Variants in ZNF592 observed in about 807,000 individuals in gnomAD.
ZNF592 encodes the protein spinocerebellar ataxia, autosomal recessive 5.
In ZNF592, 11 loss-of-function variants were observed where a neutral mutation model predicts 80.3. The ratio of observed to expected loss-of-function variants is 0.14; its 90% confidence interval spans 0.09 to 0.23. The LOEUF is 0.23. Ranked by LOEUF, ZNF592 falls within the 10% of genes least tolerant of loss-of-function variation. ZNF592 has a pLI of 1.00. For synonymous variants in ZNF592, 646 were observed against 640.3 expected (o/e 1.01, Z -0.13); for missense variants, 1,420 against 1,633.9 (o/e 0.87, Z 2.26).
chr15:84,783,128 TC>T lies in ZNF592; in HGVS notation c.456del (p.Ile153SerfsTer8). The T allele has an allele frequency of 6.2e-7, 1 of 1,614,088 alleles. No individual in the cohort carries two copies. The highest frequency in any genetic ancestry group is 8.5e-7 in the Non-Finnish European group (1 of 1,180,014). On this transcript the variant is annotated frameshift_variant, in exon 4 of 11. Coordinates refer to ENST00000560079, the MANE Select transcript of ZNF592 (RefSeq NM_014630.3). LOFTEE classifies it high-confidence loss of function. This position sits in a 1 kb window ranked among gnomAD's most constrained non-coding sequence, Gnocchi z 5.0. The part of the protein sequence containing the change: ...SPISSPEPED[P>X]IKDNGFGIKP... The stretch of plus-strand genomic sequence containing the variant: ...CAATCTCCAGCCCAGAACCTGAGGA[TC>T]CCATCAAAGATAACGGATTTGGGAT...
At chr15:84,796,296 A>ATATATATATATATATATATATAT (rs1567076462) in intron 5 of ZNF592, among the ~76,000 whole-genome samples, 13 of 40,108 alleles carry the variant, frequency 3.2e-4, no homozygotes, top group East Asian at 2.1e-3. Context: ...TATATATATA[A>ATATATATATATATATATATATAT]AAAAACGAAG....
chr15:84,760,105 T>G (rs1374789652), intron 1 of ZNF592, among the ~76,000 whole-genome samples: 1 of 151,636 alleles, frequency 6.6e-6, no homozygotes, highest in African/African-American at 2.4e-5. Context: ...AATGTCAGTC[T>G]GATAGAATTT....
intron 1 of ZNF592, among the ~76,000 whole-genome samples, chr15:84,761,852 T>G (rs1899360603): frequency 1.3e-5 from 2 of 152,264 alleles, no homozygotes; most frequent in Admixed American, 6.5e-5. Context: ...TGTTTCCGTA[T>G]GTTTATTTCT....
Position 84,803,127 on chromosome 15 carries a change from C to A in ZNF592, c.*734C>A, listed in dbSNP as rs1963148252. 1 of 152,526 alleles carries A rather than the reference C, an allele frequency of 6.6e-6. No homozygotes were observed. Among genetic ancestry groups the A allele is most frequent in the Admixed American group, 6.5e-5 (1 of 15,274 alleles). The allele number at this position is 152,526 out of a possible 1,614,324, so 9.4% of individuals were successfully genotyped here. A position where few individuals can be genotyped will look rare whatever the true frequency, so the allele number is the denominator to read the frequency against. Reference sequence around the variant, plus strand: ...AAGGCGCTGTGGGTGGGTCTTTGTTCTGCTGTTCTGCCTTTCCTGACAGGT... The same window carrying A: ...AAGGCGCTGTGGGTGGGTCTTTGTTATGCTGTTCTGCCTTTCCTGACAGGT... On this transcript the variant is annotated 3_prime_UTR_variant, in exon 11 of 11. Transcript: ENST00000560079.
chr15:84,763,203 G>T (rs547260378), intron 1 of ZNF592, among the ~76,000 whole-genome samples: 1 of 152,216 alleles, frequency 6.6e-6, no homozygotes, highest in African/African-American at 2.4e-5. Context: ...TGAGTTCCTT[G>T]TGCAGTGTGA....
At chr15:84,770,009 A>C (rs1899652932) in intron 2 of ZNF592, among the ~76,000 whole-genome samples, 1 of 152,270 alleles carries the variant, frequency 6.6e-6, no homozygotes, top group Admixed American at 6.5e-5. Context: ...CAAGGGTGGA[A>C]GCAAGAAGAT....
chr15:84,791,582 T>C (rs1301744000), intron 5 of ZNF592, among the ~76,000 whole-genome samples: 1 of 152,218 alleles, frequency 6.6e-6, no homozygotes, highest in Non-Finnish European at 1.5e-5. Context: ...CATTTGACTT[T>C]TTTGTGTGTA....
rs1284366904 is a variant in ZNF592, at chr15:84,784,499, G to T, written c.1824G>T (p.Arg608=). 8.1e-6 allele frequency: 13 copies of T among 1,614,102 alleles called. No individual in the cohort carries two copies. The highest frequency in any genetic ancestry group is 1.0e-5 in the Non-Finnish European group (12 of 1,180,056). ...AGAGCCTGAGCCAGCACTATGGCCG[G>T]CGGAGCGTCCACATTGAGGTACTGT... is the stretch of plus-strand genomic sequence containing the variant. ...LEKSLSQHYG[R]RSVHIEVLCT... Residue 608 remains arginine, a synonymous_variant, in exon 4 of 11, where the codon CGG becomes CGT. Coordinates refer to ENST00000560079, the MANE Select transcript of ZNF592 (RefSeq NM_014630.3). This position sits in a 1 kb window ranked among gnomAD's most constrained non-coding sequence, Gnocchi z 5.8.
chr15:84,765,483 G>A (rs894589891), intron 2 of ZNF592, among the ~76,000 whole-genome samples: 2 of 150,562 alleles, frequency 1.3e-5, no homozygotes, highest in Admixed American at 6.6e-5. Flanking sequence ...TCCTACCAGC[G>A]ATGCACAAGG....
At chr15:84,796,296 A>ATATATATATATATATATAT (rs1567076462) in intron 5 of ZNF592, among the ~76,000 whole-genome samples, 43 of 40,078 alleles carry the variant, frequency 1.1e-3, no homozygotes, top group South Asian at 2.1e-3. Context: ...TATATATATA[A>ATATATATATATATATATAT]AAAAACGAAG....
chr15:84,769,920 C>A (rs1346706442), intron 2 of ZNF592, among the ~76,000 whole-genome samples: 1 of 152,152 alleles, frequency 6.6e-6, no homozygotes, highest in Non-Finnish European at 1.5e-5. Context: ...GTACTACAGG[C>A]ATGGGCCACT....
Position 84,799,041 on chromosome 15 carries a change from GCACC to G in ZNF592, c.3025-54_3025-51del. ...GCCCATGGCATCTGAGAAGAAAAAT[GCACC>G]CAGAACTATCTTACAGTTCTGATGC... On this transcript the variant is annotated intron_variant, in intron 8 of 10. Transcript: ENST00000560079. This position sits in a 1 kb window ranked among gnomAD's most constrained non-coding sequence, Gnocchi z 4.2. 6.2e-7 allele frequency: 1 copy of G among 1,606,232 alleles called. No homozygotes were observed. The highest frequency in any genetic ancestry group is 1.3e-5 in the African/African-American group (1 of 74,886).
At chr15:84,774,804 C>T (rs940160035) in intron 2 of ZNF592, among the ~76,000 whole-genome samples, 3 of 152,008 alleles carry the variant, frequency 2.0e-5, no homozygotes, top group African/African-American at 7.2e-5. Flanking sequence ...TTTTTTGAGA[C>T]AGAGTCCACT....
intron 1 of ZNF592, among the ~76,000 whole-genome samples, chr15:84,758,012 G>A (rs530236620): frequency 2.3e-5 from 3 of 129,056 alleles, no homozygotes; most frequent in Non-Finnish European, 3.3e-5. Flanking sequence ...TTGCTCTGTC[G>A]CCCAGGCTAG....
At chr15:84,764,684 T>C in intron 1 of ZNF592, 23 bp from the exon 2 acceptor site, 1 of 398,814 alleles carries the variant, frequency 2.5e-6, no homozygotes, top group Admixed American at 4.4e-5. Flanking sequence ...TTAAAAAAAA[T>C]TTTGTTTTTC....
At chr15:84,774,732 A>G (rs1962191952) in intron 2 of ZNF592, among the ~76,000 whole-genome samples, 1 of 151,930 alleles carries the variant, frequency 6.6e-6, no homozygotes, top group Admixed American at 6.6e-5. Flanking sequence ...TCTGTCTACT[A>G]GTCTACTAGT....
chr15:84,767,038 A>G (rs1899548000), intron 2 of ZNF592, among the ~76,000 whole-genome samples: 2 of 152,080 alleles, frequency 1.3e-5, no homozygotes, highest in Admixed American at 6.6e-5. Context: ...TCCGTAGCCC[A>G]AGCTGGAATG....
Position 84,784,276 on chromosome 15 carries a change from C to G in ZNF592, c.1601C>G (p.Thr534Arg). ...CAAAGACGGAGCCAGCCACAGCTTA[C>G]ACAAATGTCGGTGCCCCTGGTCCAC... ...SVQRRSQPQL[T>R]QMSVPLVHQV... is the part of the protein sequence containing the mutation. Residue 534 changes from threonine (T) to arginine (R), a missense_variant, in exon 4 of 11, where the codon ACA becomes AGA. Thr to Arg is a moderately conservative substitution (Grantham distance 71, BLOSUM62 -1). Coordinates refer to ENST00000560079, the MANE Select transcript of ZNF592 (RefSeq NM_014630.3). This position sits in a 1 kb window ranked among gnomAD's most constrained non-coding sequence, Gnocchi z 5.8. 1.2e-6 allele frequency: 2 copies of G among 1,614,284 alleles called. No individual in the cohort carries two copies. Among genetic ancestry groups the G allele is most frequent in the East Asian group, 2.2e-5 (1 of 44,894 alleles).
Position 84,797,844 on chromosome 15 carries a change from C to T in ZNF592, c.2400-25C>T, listed in dbSNP as rs372525405. Reference sequence around the variant, plus strand: ...CAGTACTCCCTATACTCCACCCACACTCACACTACCCCACTTCTGTCTAGG... The same window carrying T: ...CAGTACTCCCTATACTCCACCCACATTCACACTACCCCACTTCTGTCTAGG... On this transcript the variant is annotated intron_variant, in intron 5 of 10. Transcript: ENST00000560079. 2.1e-4 allele frequency: 331 copies of T among 1,614,156 alleles called. No individual in the cohort carries two copies. The African/African-American group carries it at 4.3e-3, about 21-fold the overall frequency.
Sources: allele counts gnomAD v4.1 joint callset (sites outside exome capture counted in the v4.1 genomes callset), GRCh38; gene constraint gnomAD v4.1.1; non-coding constraint Gnocchi (gnomAD v3.1); transcripts MANE v1.5; gene names NCBI Gene and HGNC (gene_info 2026-07-23, HGNC 2026-07-21).